MAGI1: variants seen among roughly 807,000 people sequenced by gnomAD.
The protein encoded by MAGI1 is membrane associated guanylate kinase, WW and PDZ domain containing 1, also known as membrane-associated guanylate kinase, WW and PDZ domain-containing protein 1.
A neutral mutation model predicts 139.9 loss-of-function variants in MAGI1; 58 were observed. That is an observed-to-expected ratio of 0.41 (90% CI 0.34 to 0.52). MAGI1 has a LOEUF of 0.52. MAGI1 is among the 20% of genes least tolerant of loss of function. The pLI is 0.12. For missense variants in MAGI1, 1,874 were observed against 1,901.6 expected, an observed-to-expected ratio of 0.99 and a Z score of 0.27; for synonymous variants, 812 against 737.9, an observed-to-expected ratio of 1.10 and a Z score of -1.63.
chr3:65,517,376 C>G (rs564415945), intron 2 of MAGI1, among the ~76,000 whole-genome samples: 18 of 152,204 alleles, frequency 1.2e-4, no homozygotes, highest in South Asian at 2.1e-4. Context: ...CCTTGAACTA[C>G]CTATCCTGCT....
At chr3:65,598,822 T>G (rs1410324574) in intron 2 of MAGI1, among the ~76,000 whole-genome samples, 2 of 152,212 alleles carry the variant, frequency 1.3e-5, no homozygotes, top group East Asian at 3.9e-4. Flanking sequence ...ACCTCCACCC[T>G]GTTTCTTTTG....
At chr3:65,466,626 G>A (rs1950192010) in intron 5 of MAGI1, among the ~76,000 whole-genome samples, 1 of 152,168 alleles carries the variant, frequency 6.6e-6, no homozygotes, top group Non-Finnish European at 1.5e-5. Flanking sequence ...TTGGATGGGG[G>A]TAAAAATCCT....
chr3:66,030,533 G>A (rs1002001164), intron 1 of MAGI1, among the ~76,000 whole-genome samples: 8 of 152,156 alleles, frequency 5.3e-5, no homozygotes, highest in African/African-American at 1.2e-4. Context: ...ATACTATGGA[G>A]TAAAATAAAG....
At chr3:66,022,094 A>G (rs1308634904) in intron 1 of MAGI1, among the ~76,000 whole-genome samples, 1 of 152,122 alleles carries the variant, frequency 6.6e-6, no homozygotes, top group Non-Finnish European at 1.5e-5. Flanking sequence ...ATTAAACCCC[A>G]TGGATAAGCT....
At chr3:65,405,727 T>C (rs529787458) in intron 12 of MAGI1, among the ~76,000 whole-genome samples, 1 of 152,266 alleles carries the variant, frequency 6.6e-6, no homozygotes, top group Admixed American at 6.5e-5. Flanking sequence ...CCTGAGTAGC[T>C]GGGATTACAG....
At chr3:65,790,417 C>G (rs2108063447) in intron 1 of MAGI1, among the ~76,000 whole-genome samples, 1 of 152,304 alleles carries the variant, frequency 6.6e-6, no homozygotes, top group East Asian at 1.9e-4. Flanking sequence ...CTAAATAAAT[C>G]TTTTATTAAC....
At chr3:65,567,338 A>C (rs1447895590) in intron 2 of MAGI1, among the ~76,000 whole-genome samples, 3 of 152,166 alleles carry the variant, frequency 2.0e-5, no homozygotes, top group Admixed American at 2.0e-4. Flanking sequence ...TGACTGTGTA[A>C]AAAGTATGAA....
chr3:65,658,124 G>A (rs1295576999), intron 1 of MAGI1, among the ~76,000 whole-genome samples: 1 of 152,120 alleles, frequency 6.6e-6, no homozygotes, highest in Non-Finnish European at 1.5e-5. Flanking sequence ...GTGTTCCCTG[G>A]GGGAATGAGC....
chr3:65,742,582 A>G (rs895386941), intron 1 of MAGI1, among the ~76,000 whole-genome samples: 2 of 152,180 alleles, frequency 1.3e-5, no homozygotes, highest in Non-Finnish European at 2.9e-5. Flanking sequence ...TAAAGGAGAT[A>G]TTGTGTGTGA....
chr3:65,907,342 T>C (rs1054549096), intron 1 of MAGI1, among the ~76,000 whole-genome samples: 1 of 152,218 alleles, frequency 6.6e-6, no homozygotes, highest in Non-Finnish European at 1.5e-5. Context: ...TGAGACCTGG[T>C]AAGGCTGAGT....
At chr3:65,595,431 A>G (rs2082144791) in intron 2 of MAGI1, among the ~76,000 whole-genome samples, 1 of 152,212 alleles carries the variant, frequency 6.6e-6, no homozygotes, top group Non-Finnish European at 1.5e-5. Flanking sequence ...ATCTAGACTC[A>G]GGGTTGGTAG....
chr3:65,538,711 T>C (rs1346988357), intron 2 of MAGI1, among the ~76,000 whole-genome samples: 1 of 152,098 alleles, frequency 6.6e-6, no homozygotes, highest in Non-Finnish European at 1.5e-5. Context: ...GCAACATTAA[T>C]ATCCACACCA....
chr3:65,644,997 A>G (rs1233333343), intron 1 of MAGI1, among the ~76,000 whole-genome samples: 1 of 144,180 alleles, frequency 6.9e-6, no homozygotes, highest in Non-Finnish European at 1.5e-5. Flanking sequence ...ACTCCATCTC[A>G]AAAAAAAAAA....
chr3:65,422,735 T>C (rs763050995), intron 12 of MAGI1, among the ~76,000 whole-genome samples: 3 of 151,818 alleles, frequency 2.0e-5, no homozygotes, highest in Non-Finnish European at 4.4e-5. Flanking sequence ...TTATGAGGAA[T>C]GGTCACGGCA....
Position 65,614,019 on chromosome 3 carries a change from C to T in MAGI1, c.430+7953G>A, listed in dbSNP as rs2083249764. On this transcript the variant is annotated intron_variant, in intron 2 of 22. Coordinates refer to ENST00000402939, the MANE Select transcript of MAGI1 (RefSeq NM_001033057.2). ...TGGGTGCGTCCATACTTCTTCTAAA[C>T]ATCAGTAAAGATAATGAGGAAACTG... Among the ~76,000 whole-genome samples the T allele has an allele frequency of 2.0e-5, 3 of 152,242 alleles. No homozygotes were observed. The South Asian group carries it at 6.2e-4, about 32-fold the overall frequency.
intron 1 of MAGI1, among the ~76,000 whole-genome samples, chr3:65,968,187 T>C (rs1305415412): frequency 2.0e-5 from 3 of 152,238 alleles, no homozygotes; most frequent in Non-Finnish European, 2.9e-5. Context: ...ATGCATCTTT[T>C]TGAAAGAGCA....
intron 18 of MAGI1, among the ~76,000 whole-genome samples, chr3:65,367,271 C>A (rs1327251765): frequency 1.3e-5 from 2 of 152,160 alleles, no homozygotes; most frequent in Admixed American, 6.5e-5. Flanking sequence ...GTTTTCTGAG[C>A]AGATCAGATT....
rs114616435 is a variant in MAGI1 at position 65,942,536 on chromosome 3, T to C, written c.313+95460A>G. ...ATAAAAGGGTTGGCTCCCTTTTTGG[T>C]TTCTAACTACCACTGTTAAATATGA... is the stretch of plus-strand genomic sequence containing the variant. On this transcript the variant is annotated intron_variant, in intron 1 of 22. Coordinates refer to ENST00000402939, the MANE Select transcript of MAGI1 (RefSeq NM_001033057.2). Among the ~76,000 whole-genome samples, 733 of 152,272 alleles carry C rather than the reference T, an allele frequency of 4.8e-3. 5 individuals carry two copies. The highest frequency in any genetic ancestry group is 0.016 in the African/African-American group (685 of 41,554).
At chr3:65,418,655 C>T (rs1482900637) in intron 12 of MAGI1, among the ~76,000 whole-genome samples, 3 of 152,138 alleles carry the variant, frequency 2.0e-5, no homozygotes, top group Admixed American at 2.0e-4. Context: ...TGAGTCATCC[C>T]TATCCATACA....
Sources: gnomAD v4.1 joint callset for allele counts (sites outside exome capture counted in the v4.1 genomes callset) on GRCh38, gnomAD v4.1.1 for gene constraint, MANE v1.5 for transcripts, NCBI Gene and HGNC (gene_info 2026-07-23, HGNC 2026-07-21) for gene names.